Variants in EFCAB7 observed in about 807,000 individuals in gnomAD.
EFCAB7 encodes EF-hand calcium-binding domain-containing protein 7.
A neutral mutation model predicts 77.1 loss-of-function variants in EFCAB7; 66 were observed. That is an observed-to-expected ratio of 0.86 (90% confidence interval 0.70 to 1.05). The LOEUF is 1.05. Ranked by LOEUF, EFCAB7 falls within the 50% of genes least tolerant of loss-of-function variation. The pLI is 0.00. For missense variants in EFCAB7, 638 were observed against 730.5 expected, an observed-to-expected ratio of 0.87 and a Z score of 1.46; for synonymous variants, 225 against 243.3, an observed-to-expected ratio of 0.92 and a Z score of 0.70.
At chr1:63,554,011 T>G (rs1027452758) in intron 8 of EFCAB7, among the ~76,000 whole-genome samples, 2 of 152,020 alleles carry the variant, frequency 1.3e-5, no homozygotes, top group Non-Finnish European at 2.9e-5. Context: ...TTTTTAGAGA[T>G]AGGATCTCGC....
At chr1:63,543,692 T>A (rs1447817683) in intron 6 of EFCAB7, among the ~76,000 whole-genome samples, 1 of 152,210 alleles carries the variant, frequency 6.6e-6, no homozygotes, top group African/African-American at 2.4e-5. Context: ...ATATAATAAA[T>A]CTTTCTATAA....
At chr1:63,541,731 T>A (rs187314465) in intron 6 of EFCAB7, among the ~76,000 whole-genome samples, 111 of 151,986 alleles carry the variant, frequency 7.3e-4, no homozygotes, top group Middle Eastern at 3.4e-3. Flanking sequence ...CCCGGCTAAT[T>A]TTTGTATTTT....
chr1:63,552,660 T>C (rs116871335), intron 8 of EFCAB7, among the ~76,000 whole-genome samples: 37 of 152,366 alleles, frequency 2.4e-4, no homozygotes, highest in East Asian at 1.5e-3. Flanking sequence ...TAAATGTGGC[T>C]ATTTATTTTA....
At position 63,531,927 on chromosome 1, in the gene EFCAB7, GA is replaced by G. The variant is rs778706942; in HGVS notation, c.300del (p.Lys100AsnfsTer9). 6.2e-7 allele frequency: 1 copy of G among 1,613,072 alleles called. No individual in the cohort carries two copies. The highest frequency in any genetic ancestry group is 8.5e-7 in the Non-Finnish European group (1 of 1,179,388). On this transcript the variant is annotated frameshift_variant, in exon 3 of 14. Transcript: ENST00000371088. LOFTEE classifies it high-confidence loss of function. The stretch of plus-strand genomic sequence containing the variant: ...TGATTTTTGTATAATTTTAAGGAAG[GA>G]AAAACCTACTTCAAAAGCAGAACTA... ...FDDFCIILRK[E>X]KPTSKAELLK...
At chr1:63,546,656 C>T (rs1041811986) in intron 7 of EFCAB7, among the ~76,000 whole-genome samples, 2 of 152,198 alleles carry the variant, frequency 1.3e-5, no homozygotes, top group African/African-American at 4.8e-5. Flanking sequence ...GTGTGAGCCA[C>T]CATGCCCAGC....
intron 6 of EFCAB7, among the ~76,000 whole-genome samples, chr1:63,535,653 C>G (rs1646753996): frequency 6.6e-6 from 1 of 151,898 alleles, no homozygotes; most frequent in African/African-American, 2.4e-5. Context: ...ATTTAGTGTG[C>G]TTTGGAAAGA....
chr1:63,567,190 C>T (rs189167019), intron 11 of EFCAB7, among the ~76,000 whole-genome samples: 194 of 152,244 alleles, frequency 1.3e-3, no homozygotes, highest in African/African-American at 4.5e-3. Flanking sequence ...CAGTGGCTCA[C>T]GCCTGTAATC....
chr1:63,549,426 G>A (rs1194803196), intron 7 of EFCAB7: 3 of 465,804 alleles, frequency 6.4e-6, no homozygotes, highest in Middle Eastern at 3.3e-4. Context: ...TCTTAAGTCT[G>A]TTACTTGGAG....
In EFCAB7 at chr1:63,555,428, T is replaced by C. The variant is rs1157696230; in HGVS notation, c.1127T>C (p.Leu376Pro). 6.2e-7 allele frequency: 1 copy of C among 1,613,892 alleles called. No homozygotes were observed. Among genetic ancestry groups the C allele is most frequent in the Non-Finnish European group, 8.5e-7 (1 of 1,179,968 alleles). ...ATTCCTTCCACAACTGGCTGTAGGC[T>C]GAGGAAAAAAATAAAACCAGTAACA... ...WLIPSTTGCR[L>P]RKKIKPVTDE... The change falls in exon 9 of 14, where the codon CTG becomes CCG. Residue 376 changes from leucine to proline, a missense_variant. By Grantham distance (98) the Leu-to-Pro change is moderately conservative. Coordinates refer to ENST00000371088, the MANE Select transcript of EFCAB7 (RefSeq NM_032437.4).
At chr1:63,567,172 G>T (rs1647181353) in intron 11 of EFCAB7, among the ~76,000 whole-genome samples, 1 of 152,110 alleles carries the variant, frequency 6.6e-6, no homozygotes, top group Non-Finnish European at 1.5e-5. Context: ...AATTATATCG[G>T]CCAGGTGCAG....
At chr1:63,566,265 A>G (rs1647171048) in intron 11 of EFCAB7, among the ~76,000 whole-genome samples, 1 of 152,246 alleles carries the variant, frequency 6.6e-6, no homozygotes, top group African/African-American at 2.4e-5. Context: ...CAAATGCCAC[A>G]TGTTCTCATT....
At chr1:63,574,215 A>G, downstream of EFCAB7, among the ~76,000 whole-genome samples, 1 of 152,132 alleles carries the variant, frequency 6.6e-6, no homozygotes, top group East Asian at 1.9e-4. Flanking sequence ...GAGGTAGTAG[A>G]ATTGCAGCTG....
intron 4 of EFCAB7, 70 bp downstream of exon 4, chr1:63,532,826 T>A: frequency 2.4e-6 from 3 of 1,230,312 alleles, no homozygotes; most frequent in Non-Finnish European, 3.5e-6. Flanking sequence ...TCCCCAGCTT[T>A]ATTAAGGTAT....
chr1:63,546,512 C>G (rs1434372688), intron 7 of EFCAB7, among the ~76,000 whole-genome samples: 2 of 152,014 alleles, frequency 1.3e-5, no homozygotes, highest in Non-Finnish European at 2.9e-5. Flanking sequence ...ACTACAGGTG[C>G]ACACCACCTC....
chr1:63,562,488 TATATATAA>T (rs1165744232), intron 11 of EFCAB7, among the ~76,000 whole-genome samples: 73 of 101,568 alleles, frequency 7.2e-4, no homozygotes, highest in African/African-American at 3.2e-3. Context: ...TATATATATA[TATATATAA>T]AACTTTTTTT....
At chr1:63,581,236 G>T in the EFCAB7 span, among the ~76,000 whole-genome samples, 1 of 151,938 alleles carries the variant, frequency 6.6e-6, no homozygotes, top group African/African-American at 2.4e-5. Context: ...TTAGGTTATA[G>T]AAGTTACTTC....
chr1:63,531,818 A>G lies in EFCAB7; in HGVS notation c.188-2A>G. On this transcript the variant is annotated splice_acceptor_variant, in intron 2 of 13. Transcript: ENST00000371088. LOFTEE classifies it high-confidence loss of function. ...ACAAATAATACTTGTCTTGTTGGGC[A>G]GCTCTTCAGCATGCAGGAAGAAATC... 1 of 1,610,040 alleles carries G rather than the reference A, an allele frequency of 6.2e-7. No individual in the cohort carries two copies. Among genetic ancestry groups the G allele is most frequent in the Non-Finnish European group, 8.5e-7 (1 of 1,178,662 alleles).
At chr1:63,570,036 T>C (rs767344438) in intron 12 of EFCAB7, 4 of 152,212 alleles carry the variant, frequency 2.6e-5, no homozygotes, top group Non-Finnish European at 4.4e-5. Context: ...TTAGACCTTA[T>C]TGTTTGCCAG....
chr1:63,583,051 C>G, the EFCAB7 span, among the ~76,000 whole-genome samples: 1 of 151,298 alleles, frequency 6.6e-6, no homozygotes, highest in Non-Finnish European at 1.5e-5. Flanking sequence ...CAGATGAGTT[C>G]TCAGATACTA....
Sources: allele counts gnomAD v4.1 joint callset (sites outside exome capture counted in the v4.1 genomes callset), GRCh38; gene constraint gnomAD v4.1.1; transcripts MANE v1.5; gene names NCBI Gene and HGNC (gene_info 2026-07-23, HGNC 2026-07-21).